Variants in KCNS3 observed in about 807,000 individuals in gnomAD.
KCNS3 encodes delayed-rectifier potassium channel regulatory subunit KCNS3.
In KCNS3, 13 loss-of-function variants were observed where a neutral mutation model predicts 31.0. The ratio of observed to expected loss-of-function variants is 0.42; its 90% CI spans 0.27 to 0.67. The LOEUF (loss-of-function observed/expected upper bound fraction) is 0.67. Ranked by LOEUF, KCNS3 falls within the 30% of genes least tolerant of loss-of-function variation. KCNS3 has a pLI of 0.25. For synonymous variants in KCNS3, 238 were observed against 241.5 expected (o/e 0.99, Z 0.13); for missense variants, 545 against 622.4 (o/e 0.88, Z 1.32).
At chr2:17,902,547 A>C (rs1341820852) in intron 1 of KCNS3, among the ~76,000 whole-genome samples, 1 of 152,234 alleles carries the variant, frequency 6.6e-6, no homozygotes, top group Non-Finnish European at 1.5e-5. Flanking sequence ...CCTCCAGCTT[A>C]TAGGATGGGA....
At chr2:17,884,264 A>ATAT (rs1553340988) in intron 1 of KCNS3, among the ~76,000 whole-genome samples, 122 of 47,968 alleles carry the variant, frequency 2.5e-3, no homozygotes, top group East Asian at 6.2e-3. Flanking sequence ...ATTAAAAAAA[A>ATAT]AAAAATATAT....
At chr2:17,925,403 A>G in intron 2 of KCNS3, among the ~76,000 whole-genome samples, 1 of 152,156 alleles carries the variant, frequency 6.6e-6, no homozygotes, top group East Asian at 1.9e-4. Context: ...GCTTATCTTA[A>G]CCCAGACATT....
intron 1 of KCNS3, among the ~76,000 whole-genome samples, chr2:17,898,701 C>T (rs985847821): frequency 6.6e-6 from 1 of 152,116 alleles, no homozygotes; most frequent in Non-Finnish European, 1.5e-5. Flanking sequence ...AAGGAGAGAA[C>T]ACGAGGACAT....
chr2:17,886,656 A>G (rs1661660529), intron 1 of KCNS3, among the ~76,000 whole-genome samples: 1 of 150,978 alleles, frequency 6.6e-6, no homozygotes, highest in Non-Finnish European at 1.5e-5. Flanking sequence ...GGCAGTGTTC[A>G]TCTGGGTGTC....
intron 1 of KCNS3, among the ~76,000 whole-genome samples, chr2:17,904,221 A>G (rs1179933461): frequency 6.6e-6 from 1 of 152,118 alleles, no homozygotes; most frequent in East Asian, 1.9e-4. Flanking sequence ...GATGATGAGC[A>G]TTTTTTCATG....
chr2:17,902,725 T>C (rs1237347285), intron 1 of KCNS3, among the ~76,000 whole-genome samples: 1 of 152,198 alleles, frequency 6.6e-6, no homozygotes, highest in Non-Finnish European at 1.5e-5. Flanking sequence ...ATGTGGTGAT[T>C]TGCCACGTAC....
In KCNS3 at chr2:17,908,288, C is replaced by T. The variant is rs181198544; in HGVS notation, c.-251-9392C>T. On this transcript the variant is annotated intron_variant, in intron 1 of 2. Coordinates refer to ENST00000304101, the MANE Select transcript of KCNS3 (RefSeq NM_002252.5). ...GCTTGTGCATTCGTCATGTAGTTCT[C>T]GTGCCATGGTTTTCAGCTCCGTCAG... 8.0e-3 allele frequency among the ~76,000 whole-genome samples: 1,218 copies of T among 152,284 alleles called. 10 individuals are homozygous for T. The highest frequency in any genetic ancestry group is 9.5e-3 in the Non-Finnish European group (644 of 68,034).
intron 2 of KCNS3, among the ~76,000 whole-genome samples, chr2:17,921,958 T>TATATATATAA (rs1284771923): frequency 9.7e-5 from 13 of 133,840 alleles, no homozygotes; most frequent in African/African-American, 3.4e-4. Context: ...TATATATATA[T>TATATATATAA]AAATACATAT....
Position 17,887,484 on chromosome 2 carries a change from G to GATCGATCT in KCNS3, c.-252+8681_-252+8682insGATCTATC, listed in dbSNP as rs1553341246. ...ATGGCTGCGTTGTATTCTATCATAT[G>GATCGATCT]ATCTATCTATCTATCTATCTATCTA... On this transcript the variant is annotated intron_variant, in intron 1 of 2. Transcript: ENST00000304101. Among the ~76,000 whole-genome samples, 451 of 146,346 alleles carry GATCGATCT rather than the reference G, an allele frequency of 3.1e-3. 3 individuals are homozygous for GATCGATCT. Among genetic ancestry groups the GATCGATCT allele is most frequent in the African/African-American group, 7.3e-3 (286 of 39,244 alleles).
intron 1 of KCNS3, among the ~76,000 whole-genome samples, chr2:17,891,498 A>T (rs1436774917): frequency 6.6e-6 from 1 of 151,898 alleles, no homozygotes. Context: ...TTGCTTTTTA[A>T]CTTGTATTTT....
chr2:17,899,951 G>C (rs1662128927), intron 1 of KCNS3, among the ~76,000 whole-genome samples: 1 of 152,176 alleles, frequency 6.6e-6, no homozygotes, highest in Non-Finnish European at 1.5e-5. Context: ...TGAGCCTGCT[G>C]TGTCAGGACA....
At chr2:17,911,704 C>T (rs1662474959) in intron 1 of KCNS3, among the ~76,000 whole-genome samples, 1 of 152,162 alleles carries the variant, frequency 6.6e-6, no homozygotes, top group African/African-American at 2.4e-5. Flanking sequence ...ATAATTATTT[C>T]TCTTTTGTAC....
At chr2:17,890,245 T>C (rs1344525142) in intron 1 of KCNS3, among the ~76,000 whole-genome samples, 1 of 152,184 alleles carries the variant, frequency 6.6e-6, no homozygotes, top group Non-Finnish European at 1.5e-5. Context: ...TGATCTTTTG[T>C]ATTTCAGTGG....
intron 1 of KCNS3, among the ~76,000 whole-genome samples, chr2:17,897,510 T>C (rs965059915): frequency 6.6e-6 from 1 of 152,226 alleles, no homozygotes; most frequent in Non-Finnish European, 1.5e-5. Flanking sequence ...CCAGCAACAG[T>C]GTGTACTCAG....
intron 1 of KCNS3, among the ~76,000 whole-genome samples, chr2:17,881,110 G>A (rs979810817): frequency 6.6e-6 from 1 of 152,218 alleles, no homozygotes; most frequent in African/African-American, 2.4e-5. Context: ...TGTGATGCTT[G>A]CTTTCTTCAC....
At chr2:17,884,161 C>T (rs570915304) in intron 1 of KCNS3, among the ~76,000 whole-genome samples, 3 of 147,474 alleles carry the variant, frequency 2.0e-5, no homozygotes, top group South Asian at 2.2e-4. Flanking sequence ...ATGTAAATAA[C>T]GAGTTAGTGG....
At chr2:17,905,803 G>A (rs1662300313) in intron 1 of KCNS3, among the ~76,000 whole-genome samples, 1 of 152,206 alleles carries the variant, frequency 6.6e-6, no homozygotes, top group Admixed American at 6.5e-5. Context: ...GCATCCCAGG[G>A]ATGAAGCCCA....
chr2:17,914,080 C>T (rs1662530895), intron 1 of KCNS3, among the ~76,000 whole-genome samples: 2 of 152,176 alleles, frequency 1.3e-5, no homozygotes, highest in African/African-American at 4.8e-5. Flanking sequence ...GGGTCGGAGT[C>T]AGCTATCTCT....
intron 1 of KCNS3, among the ~76,000 whole-genome samples, chr2:17,888,411 A>G (rs946694633): frequency 1.3e-5 from 2 of 151,548 alleles, no homozygotes; most frequent in African/African-American, 4.8e-5. Context: ...TGAGGATCCA[A>G]TTTCATTCTC....
Sources: allele counts gnomAD v4.1 joint callset (sites outside exome capture counted in the v4.1 genomes callset), GRCh38; gene constraint gnomAD v4.1.1; transcripts MANE v1.5; gene names NCBI Gene and HGNC (gene_info 2026-07-23, HGNC 2026-07-21).